The following PCDH11X variants were observed in gnomAD, a reference collection of about 807,000 sequenced individuals.
The protein encoded by PCDH11X is protocadherin-11 X-linked.
Under a neutral mutation model 53.3 loss-of-function variants are expected in PCDH11X, and 18 were observed. That is an observed-to-expected ratio of 0.34 (90% CI 0.23 to 0.50). The LOEUF is 0.50. PCDH11X is among the 20% of genes least tolerant of loss of function. The probability of loss-of-function intolerance (pLI) is 0.98; values close to 1 mark genes in which losing one functional copy is unlikely to be tolerated. For missense variants in PCDH11X, 570 were observed against 1,032.4 expected, an observed-to-expected ratio of 0.55 and a Z score of 6.14; for synonymous variants, 279 against 393.3, an observed-to-expected ratio of 0.71 and a Z score of 3.44.
intron 10 of PCDH11X, among the ~76,000 whole-genome samples, chrX:92,471,503 G>A (rs1403089846): frequency 2.8e-5 from 3 of 108,766 alleles, no homozygotes; most frequent in African/African-American, 1.0e-4. Context: ...TCTTTACCCA[G>A]TCTGTAATTG....
At chrX:92,008,681 G>A (rs2062641518) in intron 6 of PCDH11X, among the ~76,000 whole-genome samples, 1 of 108,768 alleles carries the variant, frequency 9.2e-6, no homozygotes, top group Admixed American at 9.9e-5. Flanking sequence ...CCTTGCTGGG[G>A]GGCAACTATA....
At chrX:92,099,972 AT>A (rs1402971869) in intron 6 of PCDH11X, among the ~76,000 whole-genome samples, 1 of 111,693 alleles carries the variant, frequency 9.0e-6, no homozygotes, top group African/African-American at 3.3e-5. Context: ...ATTAATCAAA[AT>A]AATCATTAAA....
intron 9 of PCDH11X, among the ~76,000 whole-genome samples, chrX:92,464,397 G>A (rs2073116464): frequency 9.0e-6 from 1 of 110,615 alleles, no homozygotes; most frequent in African/African-American, 3.3e-5. Flanking sequence ...GTTCTCAAGA[G>A]ATCTGATGGT....
rs1360310115 is a variant in PCDH11X, at chrX:91,782,229, G to T, written c.-379+2545G>T. ...GAGGCGCGCTAAGGCGCCAGAGGCG[G>T]GGGTGGCCACTGCTGGCGGCCCGCC... On this transcript the variant is annotated intron_variant, in intron 1 of 10. Coordinates refer to ENST00000682573, the MANE Select transcript of PCDH11X (RefSeq NM_032968.5). Among the ~76,000 whole-genome samples the T allele has an allele frequency of 2.7e-5, 3 of 109,192 alleles. No individual in the cohort carries two copies. In the Admixed American group the frequency reaches 2.9e-4, roughly 10 times the overall value. The allele number at this position is 109,192 out of a possible 115,157, so 94.8% of individuals were successfully genotyped here.
At chrX:92,127,712 G>A (rs1271416563) in intron 6 of PCDH11X, among the ~76,000 whole-genome samples, 1 of 109,163 alleles carries the variant, frequency 9.2e-6, no homozygotes, top group Non-Finnish European at 1.9e-5. Context: ...CAGTAGAGAC[G>A]GGGTTTCACC....
At chrX:91,848,204 GT>G (rs71233611) in intron 5 of PCDH11X, among the ~76,000 whole-genome samples, 10 of 100,709 alleles carry the variant, frequency 9.9e-5, no homozygotes, top group African/African-American at 2.1e-4. Context: ...TTTTTTTTTT[GT>G]TTTTTTTTTT....
chrX:92,401,630 T>G (rs1167175867), intron 9 of PCDH11X, among the ~76,000 whole-genome samples: 3 of 112,315 alleles, frequency 2.7e-5, no homozygotes, highest in African/African-American at 9.7e-5. Flanking sequence ...ACTATGTTTT[T>G]TAATCAATGC....
chrX:91,902,400 A>G (rs1399044760), intron 6 of PCDH11X, among the ~76,000 whole-genome samples: 1 of 107,280 alleles, frequency 9.3e-6, no homozygotes, highest in Non-Finnish European at 1.9e-5. Flanking sequence ...TTGAAGTTCT[A>G]TTTTCTTAGC....
At chrX:92,020,003 G>A (rs1228687949) in intron 6 of PCDH11X, among the ~76,000 whole-genome samples, 2 of 112,229 alleles carry the variant, frequency 1.8e-5, no homozygotes, top group African/African-American at 6.5e-5. Context: ...AAGGGAGGCA[G>A]TGAGTGAATG....
intron 6 of PCDH11X, among the ~76,000 whole-genome samples, chrX:91,987,791 A>C (rs1391232848): frequency 1.8e-5 from 2 of 110,797 alleles, no homozygotes; most frequent in African/African-American, 6.5e-5. Context: ...TCACAAATGC[A>C]CAAAATTTGT....
At chrX:92,467,107 C>T (rs988534933) in intron 9 of PCDH11X, among the ~76,000 whole-genome samples, 1 of 110,795 alleles carries the variant, frequency 9.0e-6, no homozygotes, top group African/African-American at 3.3e-5. Flanking sequence ...GATCAATCCT[C>T]CCCAAAGTGT....
rs1397190042 is a variant in PCDH11X at position 91,849,247 on chromosome X, G to C, written c.540+13203G>C. 3.6e-5 allele frequency among the ~76,000 whole-genome samples: 4 copies of C among 110,959 alleles called. No individual in the cohort carries two copies. In the East Asian group the frequency reaches 1.1e-3, roughly 32 times the overall value. Reference sequence around the variant, plus strand: ...GAAAATGCAAATTACTTATTATTAGGTTCCTTAACTTTACTATTTACTTAC... The same window carrying C: ...GAAAATGCAAATTACTTATTATTAGCTTCCTTAACTTTACTATTTACTTAC... On this transcript the variant is annotated intron_variant, in intron 5 of 10. Transcript: ENST00000682573.
At chrX:92,317,799 C>T (rs998148552) in intron 8 of PCDH11X, among the ~76,000 whole-genome samples, 1 of 111,397 alleles carries the variant, frequency 9.0e-6, no homozygotes, top group Non-Finnish European at 1.9e-5. Flanking sequence ...TAGCAAGTTA[C>T]ATAACTTCTC....
chrX:92,582,941 T>C (rs186324148), intron 10 of PCDH11X, among the ~76,000 whole-genome samples: 17 of 110,669 alleles, frequency 1.5e-4, no homozygotes, highest in African/African-American at 5.3e-4. Context: ...GCATGGGGCC[T>C]GTAGTCCCTT....
At chrX:92,300,667 C>T (rs1353077583) in intron 8 of PCDH11X, among the ~76,000 whole-genome samples, 1 of 110,955 alleles carries the variant, frequency 9.0e-6, no homozygotes, top group African/African-American at 3.3e-5. Flanking sequence ...TTAGTAGAGA[C>T]GGGGTTTCAC....
At chrX:92,279,912 T>C (rs1177510557) in intron 8 of PCDH11X, among the ~76,000 whole-genome samples, 1 of 112,357 alleles carries the variant, frequency 8.9e-6, no homozygotes, top group Non-Finnish European at 1.9e-5. Flanking sequence ...TAATGAGTTT[T>C]GGTCAATGAT....
chrX:92,477,795 T>C (rs1044843765), intron 10 of PCDH11X, among the ~76,000 whole-genome samples: 3 of 104,802 alleles, frequency 2.9e-5, no homozygotes, highest in Non-Finnish European at 5.8e-5. Flanking sequence ...TCTGTGATCA[T>C]TATTTGTATT....
intron 10 of PCDH11X, among the ~76,000 whole-genome samples, chrX:92,547,494 T>C (rs1449113131): frequency 9.1e-6 from 1 of 109,831 alleles, no homozygotes; most frequent in Non-Finnish European, 1.9e-5. Flanking sequence ...TGAATGAATG[T>C]CTCTCTCTTC....
chrX:92,311,312 C>T lies in PCDH11X; in HGVS notation c.3144+48169C>T, dbSNP rs761704431. Among the ~76,000 whole-genome samples the T allele has an allele frequency of 8.2e-5, 9 of 109,719 alleles. No homozygotes were observed. In the East Asian group the frequency reaches 1.7e-3, roughly 21 times the overall value. On this transcript the variant is annotated intron_variant, in intron 8 of 10. Coordinates refer to ENST00000682573, the MANE Select transcript of PCDH11X (RefSeq NM_032968.5). ...CTTATAAAACTGGAAGTGTTCTGCACTAGTTAATTGTCAGTGTTAGATTCT... is the reference window on the plus strand; with the variant it reads ...CTTATAAAACTGGAAGTGTTCTGCATTAGTTAATTGTCAGTGTTAGATTCT...
Sources: allele counts gnomAD v4.1 joint callset (sites outside exome capture counted in the v4.1 genomes callset), GRCh38; gene constraint gnomAD v4.1.1; transcripts MANE v1.5; gene names NCBI Gene and HGNC (gene_info 2026-07-23, HGNC 2026-07-21).